The following ATP2B3 variants were observed in gnomAD, a reference collection of about 807,000 sequenced individuals.
The protein encoded by ATP2B3 is plasma membrane calcium-transporting ATPase 3.
In ATP2B3, 12 loss-of-function variants were observed where a neutral mutation model predicts 70.8. The ratio of observed to expected loss-of-function variants is 0.17; its 90% CI spans 0.11 to 0.27. The LOEUF (loss-of-function observed/expected upper bound fraction) is 0.27, where lower values mean the gene tolerates loss of function less well. Among genes scored for constraint, ATP2B3 ranks in the 10% least tolerant of loss-of-function variants. ATP2B3 has a pLI of 1.00. For missense variants in ATP2B3, 858 were observed against 1,118.5 expected (o/e 0.77, Z 3.32); for synonymous variants, 460 against 497.8 (o/e 0.92, Z 1.01).
At chrX:153,518,981 C>T (rs2089917835) in intron 2 of ATP2B3, among the ~76,000 whole-genome samples, 1 of 111,530 alleles carries the variant, frequency 9.0e-6, no homozygotes, top group Non-Finnish European at 1.9e-5. Flanking sequence ...AGCCGACTTC[C>T]CCTGGCTGAC....
chrX:153,521,023 G>A (rs782234138), intron 2 of ATP2B3, among the ~76,000 whole-genome samples: 7 of 113,127 alleles, frequency 6.2e-5, no homozygotes, highest in East Asian at 2.8e-4. Flanking sequence ...CAGGGCACCC[G>A]GAAGCACTGG....
At chrX:153,522,230 C>A (rs1226680526) in intron 2 of ATP2B3, among the ~76,000 whole-genome samples, 1 of 112,926 alleles carries the variant, frequency 8.9e-6, no homozygotes, top group Non-Finnish European at 1.9e-5. Flanking sequence ...ATGAGGGACA[C>A]TGCCCTGGTT....
intron 2 of ATP2B3, among the ~76,000 whole-genome samples, chrX:153,533,426 C>T (rs781837316): frequency 9.0e-6 from 1 of 111,197 alleles, no homozygotes; most frequent in Admixed American, 9.5e-5. Flanking sequence ...TCAGAGCTGG[C>T]AGGGCTGTGT....
At chrX:153,565,609 C>G (rs17091099) in intron 21 of ATP2B3, among the ~76,000 whole-genome samples, 4,554 of 112,391 alleles carry the variant, frequency 0.041, 205 homozygotes, top group African/African-American at 0.14. Flanking sequence ...ATCCAAATCA[C>G]CAAGGGTTAG....
chrX:153,550,048 C>T lies in ATP2B3; in HGVS notation c.1585C>T (p.Pro529Ser). ...GCTAGCCCTCGTCATCTTGCAGCCT[C>T]CTGAGAAGGAAGGCGCCCTCCCACG... Reference protein sequence around the residue: ...NSAYTTKILPPEKEGALPRQV... With the variant: ...NSAYTTKILPSEKEGALPRQV... Residue 529 changes from proline (P) to serine (S), a missense_variant, in exon 12 of 22, where the codon CCT (proline) becomes TCT (serine). By Grantham distance (74) the Pro-to-Ser change is moderately conservative. Around this residue, in one of 5 missense-constraint regions of ATP2B3, gnomAD observed 242 missense variants for 281.3 expected, o/e 0.86. Coordinates refer to ENST00000263519, the MANE Select transcript of ATP2B3 (RefSeq NM_001001344.3). 1 of 1,210,007 alleles carries T rather than the reference C, an allele frequency of 8.3e-7. No individual in the cohort carries two copies. The highest frequency in any genetic ancestry group is 3.0e-5 in the East Asian group (1 of 33,771).
At chrX:153,564,359 G>A in intron 20 of ATP2B3, among the ~76,000 whole-genome samples, 1 of 113,066 alleles carries the variant, frequency 8.8e-6, no homozygotes, top group East Asian at 2.8e-4. Context: ...GAGCCATGCT[G>A]TGGTCACGTG....
Position 153,550,669 on chromosome X carries a change from T to TTTTTG in ATP2B3, c.1823+398_1823+402dup, listed in dbSNP as rs782067926. 8.9e-5 allele frequency among the ~76,000 whole-genome samples: 10 copies of TTTTTG among 112,018 alleles called. No homozygotes were observed. The East Asian group carries it at 2.0e-3, about 22-fold the overall frequency. Reference sequence around the variant, plus strand: ...CTCAGATATTAGACCTTCCTTTCTTTTTTTGTTTTGTTTTGTTTTTTCCCT... The same window carrying TTTTTG: ...CTCAGATATTAGACCTTCCTTTCTTTTTTTGTTTTGTTTTGTTTTGTTTTTTCCCT... On this transcript the variant is annotated intron_variant, in intron 12 of 21. Coordinates refer to ENST00000263519, the MANE Select transcript of ATP2B3 (RefSeq NM_001001344.3).
rs377277719 is a variant in ATP2B3 at position 153,581,084 on chromosome X, GT to G, written c.*801del. The G allele has an allele frequency of 0.054, 1,011 of 18,697 alleles. 13 individuals carry two copies. The highest frequency in any genetic ancestry group is 0.24 in the Middle Eastern group (7 of 29). 1.5% of individuals were successfully genotyped at this position (18,697 alleles called of 1,213,427 possible). On this transcript the variant is annotated 3_prime_UTR_variant, in exon 22 of 22. Coordinates refer to ENST00000263519, the MANE Select transcript of ATP2B3 (RefSeq NM_001001344.3). ...TATTGAATGTAGCAAGGTTGTAGTT[GT>G]TTTTTTTTTTTTTTCAGGGAACTAG...
In ATP2B3 at chrX:153,550,187, C is replaced by T. The variant is rs1461373030; in HGVS notation, c.1724C>T (p.Thr575Ile). 8.3e-7 allele frequency: 1 copy of T among 1,211,486 alleles called. No individual in the cohort carries two copies. The highest frequency in any genetic ancestry group is 1.1e-6 in the Non-Finnish European group (1 of 895,512). The stretch of plus-strand genomic sequence containing the variant: ...GAAGACAAGCTTTACAAAGTGTACA[C>T]CTTCAACTCGGTCCGCAAGTCCATG... ...IPEDKLYKVY[T>I]FNSVRKSMST... Residue 575 changes from threonine (T) to isoleucine (I), a missense_variant, in exon 12 of 22, where the codon ACC (threonine) becomes ATC (isoleucine). Physicochemically the swap from Thr to Ile is moderately conservative, Grantham distance 89. Coordinates refer to ENST00000263519, the MANE Select transcript of ATP2B3 (RefSeq NM_001001344.3).
chrX:153,549,266 G>A (rs939133420), intron 10 of ATP2B3, among the ~76,000 whole-genome samples: 4 of 107,647 alleles, frequency 3.7e-5, no homozygotes, highest in Non-Finnish European at 7.7e-5. Context: ...CTGAGAGGGG[G>A]CTCGGGCAGG....
At chrX:153,560,605 G>A (rs1603100753) in intron 18 of ATP2B3, 71 bp from the exon 19 acceptor site, 12 of 1,107,929 alleles carry the variant, frequency 1.1e-5, no homozygotes, top group Admixed American at 7.1e-5. Context: ...GCTACACACC[G>A]AAGTCTCGCT....
intron 2 of ATP2B3, among the ~76,000 whole-genome samples, chrX:153,530,933 G>A (rs1402413022): frequency 3.6e-5 from 4 of 112,552 alleles, no homozygotes; most frequent in Non-Finnish European, 7.5e-5. Context: ...CCCAGGAGCT[G>A]CAGCGACGGT....
At chrX:153,567,311 T>C (rs1347319356) in intron 21 of ATP2B3, among the ~76,000 whole-genome samples, 1 of 113,002 alleles carries the variant, frequency 8.8e-6, no homozygotes, top group Non-Finnish European at 1.9e-5. Context: ...CATTCACATC[T>C]CCCCCAGTGC....
intron 20 of ATP2B3, among the ~76,000 whole-genome samples, chrX:153,564,639 T>C (rs1268943045): frequency 8.9e-6 from 1 of 112,822 alleles, no homozygotes; most frequent in Non-Finnish European, 1.9e-5. Flanking sequence ...CTGGGAGGCT[T>C]AGACAACAGA....
rs2090770701 is a variant in ATP2B3, at chrX:153,570,437, C to T, written c.3342+5334C>T. ...CTGGCACTCAGAGGCCTCTTCAAGA[C>T]GTTGCCAGGAAAATTTCCCACCATG... On this transcript the variant is annotated intron_variant, in intron 21 of 21. Coordinates refer to ENST00000263519, the MANE Select transcript of ATP2B3 (RefSeq NM_001001344.3). Among the ~76,000 whole-genome samples the T allele has an allele frequency of 2.7e-5, 3 of 112,550 alleles. No individual in the cohort carries two copies. In the South Asian group the frequency reaches 1.1e-3, roughly 41 times the overall value.
intron 21 of ATP2B3, chrX:153,569,541 C>T (rs2090757855): frequency 8.6e-7 from 1 of 1,165,273 alleles, no homozygotes; most frequent in Admixed American, 2.2e-5. Flanking sequence ...GCCCAGCCCT[C>T]CCCTCCGTGA....
intron 21 of ATP2B3, among the ~76,000 whole-genome samples, chrX:153,569,044 C>T (rs983305519): frequency 3.1e-4 from 35 of 112,574 alleles, no homozygotes; most frequent in African/African-American, 6.1e-4. Context: ...AGCGAAGCCA[C>T]GGCTGCCAGT....
At chrX:153,575,192 C>T (rs1205632227) in intron 21 of ATP2B3, among the ~76,000 whole-genome samples, 2 of 112,618 alleles carry the variant, frequency 1.8e-5, no homozygotes, top group Non-Finnish European at 3.8e-5. Context: ...TGGGGAGGGC[C>T]GAAGCCAGCA....
At chrX:153,565,588 C>T (rs1000445249) in intron 21 of ATP2B3, among the ~76,000 whole-genome samples, 2 of 112,405 alleles carry the variant, frequency 1.8e-5, no homozygotes, top group African/African-American at 6.5e-5. Context: ...CCGAGTTGGT[C>T]CTTTCTGGTC....
Sources: allele counts gnomAD v4.1 joint callset (sites outside exome capture counted in the v4.1 genomes callset), GRCh38; gene constraint gnomAD v4.1.1; regional missense constraint gnomAD v4.1.1; transcripts MANE v1.5; gene names NCBI Gene and HGNC (gene_info 2026-07-23, HGNC 2026-07-21).